The following RARB variants were observed in gnomAD, a reference collection of about 807,000 sequenced individuals.
RARB encodes HBV-activated protein.
RARB carries 17 observed loss-of-function variants against 51.9 expected under a neutral mutation model. The ratio of observed to expected loss-of-function variants is 0.33; its 90% confidence interval spans 0.22 to 0.49. The LOEUF (loss-of-function observed/expected upper bound fraction) is 0.49, where lower values mean the gene tolerates loss of function less well. Ranked by LOEUF, RARB falls within the 20% of genes least tolerant of loss-of-function variation. RARB has a pLI of 0.99. For synonymous variants in RARB, 215 were observed against 195.4 expected (o/e 1.10, Z -0.84); for missense variants, 369 against 550.8 (o/e 0.67, Z 3.30).
At chr3:25,497,377 C>T (rs1195224696) in intron 2 of RARB, among the ~76,000 whole-genome samples, 2 of 152,174 alleles carry the variant, frequency 1.3e-5, no homozygotes, top group East Asian at 3.9e-4. Context: ...GCTATTCTTG[C>T]CCATGCAGAT....
chr3:25,417,696 G>T (rs958972577), intron 5 of RARB, among the ~76,000 whole-genome samples: 1 of 152,136 alleles, frequency 6.6e-6, no homozygotes, highest in African/African-American at 2.4e-5. Context: ...TCAGCAGCAT[G>T]AAAATAGACT....
At chr3:25,331,285 C>T (rs942666094) in intron 5 of RARB, among the ~76,000 whole-genome samples, 16 of 152,138 alleles carry the variant, frequency 1.1e-4, no homozygotes, top group African/African-American at 3.9e-4. Flanking sequence ...GGAAAGCACT[C>T]CTCAGAAAAT....
chr3:25,245,498 G>A (rs1456053795), intron 5 of RARB, among the ~76,000 whole-genome samples: 1 of 152,098 alleles, frequency 6.6e-6, no homozygotes, highest in African/African-American at 2.4e-5. Context: ...AGGCAGGCCT[G>A]GTGGTGACAA....
intron 1 of RARB, among the ~76,000 whole-genome samples, chr3:24,830,592 A>C (rs941662646): frequency 2.0e-5 from 3 of 150,202 alleles, no homozygotes; most frequent in African/African-American, 7.4e-5. Context: ...AGGCGAAGTG[A>C]TGGTCGCGGA....
chr3:25,446,273 G>A (rs537901428), intron 1 of RARB, among the ~76,000 whole-genome samples: 22 of 152,336 alleles, frequency 1.4e-4, no homozygotes, highest in African/African-American at 3.6e-4. Flanking sequence ...GTCACTGTTA[G>A]GAGGAATAGT....
chr3:24,940,835 A>C (rs1695649247), intron 2 of RARB, among the ~76,000 whole-genome samples: 1 of 152,184 alleles, frequency 6.6e-6, no homozygotes, highest in South Asian at 2.1e-4. Context: ...CAAGTCAGTT[A>C]ACTTTTTGAA....
intron 2 of RARB, among the ~76,000 whole-genome samples, chr3:24,954,909 T>A (rs73820343): frequency 0.035 from 5,254 of 152,120 alleles, 231 homozygotes; most frequent in African/African-American, 0.095. Context: ...AGGGGAGTGT[T>A]TTGGGGCTCT....
chr3:25,106,564 A>T (rs536218775), intron 3 of RARB, among the ~76,000 whole-genome samples: 240 of 149,702 alleles, frequency 1.6e-3, no homozygotes, highest in African/African-American at 5.3e-3. Flanking sequence ...CATCCTCCCA[A>T]AGTGCTGGGT....
chr3:25,058,339 C>T (rs1227868819), intron 2 of RARB, among the ~76,000 whole-genome samples: 2 of 151,736 alleles, frequency 1.3e-5, no homozygotes, highest in African/African-American at 4.8e-5. Flanking sequence ...TGGTGAAATT[C>T]AGGGAACATT....
intron 5 of RARB, among the ~76,000 whole-genome samples, chr3:25,198,762 T>C (rs1273018345): frequency 1.3e-5 from 2 of 152,148 alleles, no homozygotes; most frequent in Admixed American, 6.6e-5. Flanking sequence ...CAAGTTAAAA[T>C]GGCTTTTATC....
chr3:25,409,687 T>A (rs1559388912), intron 5 of RARB, among the ~76,000 whole-genome samples: 1 of 152,218 alleles, frequency 6.6e-6, no homozygotes, highest in African/African-American at 2.4e-5. Context: ...TTTGTGTTGA[T>A]GACCTCTCTA....
chr3:25,204,897 G>C (rs960061500), intron 5 of RARB, among the ~76,000 whole-genome samples: 1 of 152,242 alleles, frequency 6.6e-6, no homozygotes, highest in African/African-American at 2.4e-5. Flanking sequence ...GAGGCAGCCT[G>C]TTCATTCTCA....
intron 2 of RARB, among the ~76,000 whole-genome samples, chr3:25,029,794 A>G (rs1159793320): frequency 2.6e-5 from 4 of 152,206 alleles, no homozygotes; most frequent in Non-Finnish European, 5.9e-5. Flanking sequence ...GGGTCACACT[A>G]CTATTTCATC....
At chr3:24,850,657 G>A (rs911981453) in intron 1 of RARB, among the ~76,000 whole-genome samples, 1 of 152,162 alleles carries the variant, frequency 6.6e-6, no homozygotes, top group South Asian at 2.1e-4. Context: ...TACTCCTGAT[G>A]GGGCAGGTTT....
chr3:25,515,938 C>T lies in RARB; in HGVS notation c.448+14615C>T, dbSNP rs552365284. 2.0e-5 allele frequency among the ~76,000 whole-genome samples: 3 copies of T among 152,322 alleles called. No homozygotes were observed. In the East Asian group the frequency reaches 5.8e-4, roughly 29 times the overall value. On this transcript the variant is annotated intron_variant, in intron 3 of 7. Transcript: ENST00000330688. ...CCTGTGCATAGAGAAATTGTGTTAT[C>T]ATCAAGAAGAGTAATACCTCTCATT...
chr3:25,205,476 C>T lies in RARB; in HGVS notation c.178+30901C>T, dbSNP rs193294437. ...ATCCCCAGTGAGATGCACCTGGTAC[C>T]TCAGTTGGAAATGCAGAAATAATTT... On this transcript the variant is annotated intron_variant, in intron 5 of 11. Coordinates refer to the RARB transcript ENST00000383772. 9.1e-4 allele frequency among the ~76,000 whole-genome samples: 139 copies of T among 152,248 alleles called. 1 individual carries two copies. Among genetic ancestry groups the T allele is most frequent in the Admixed American group, 6.4e-3 (98 of 15,292 alleles).
chr3:25,309,623 G>C (rs1465926173), intron 5 of RARB, among the ~76,000 whole-genome samples: 2 of 148,646 alleles, frequency 1.3e-5, no homozygotes, highest in Non-Finnish European at 3.0e-5. Context: ...TCAACCTCCT[G>C]AGTAGCTGGG....
At chr3:25,376,320 T>G (rs60112210) in intron 5 of RARB, among the ~76,000 whole-genome samples, 6,226 of 152,326 alleles carry the variant, frequency 0.041, 142 homozygotes, top group Middle Eastern at 0.065. Context: ...TTATTGTCTG[T>G]GGGATGCATG....
intron 2 of RARB, among the ~76,000 whole-genome samples, chr3:24,969,609 A>T (rs1696349609): frequency 6.6e-6 from 1 of 152,082 alleles, no homozygotes; most frequent in Admixed American, 6.6e-5. Context: ...TTAGATACTT[A>T]TGTCTTTCTC....
Sources: gnomAD v4.1 joint callset for allele counts (sites outside exome capture counted in the v4.1 genomes callset) on GRCh38, gnomAD v4.1.1 for gene constraint, MANE v1.5 for transcripts, NCBI Gene and HGNC (gene_info 2026-07-23, HGNC 2026-07-21) for gene names.